The following GALC variants were observed in gnomAD, a reference collection of about 807,000 sequenced individuals.
GALC encodes galactocerebrosidase.
In GALC, 77 loss-of-function variants were observed where a neutral mutation model predicts 91.8. That is an observed-to-expected ratio of 0.84 (90% confidence interval 0.70 to 1.01). The LOEUF is 1.01. Ranked by LOEUF, GALC falls within the 50% of genes least tolerant of loss-of-function variation. The pLI is 0.00. For synonymous variants in GALC, 357 were observed against 306.7 expected (o/e 1.16, Z -1.71); for missense variants, 882 against 855.9 (o/e 1.03, Z -0.38).
chr14:87,939,104 T>C (rs988279527), intron 16 of GALC, among the ~76,000 whole-genome samples: 2 of 151,954 alleles, frequency 1.3e-5, no homozygotes, highest in African/African-American at 4.8e-5. Flanking sequence ...TCAATAATAG[T>C]GAATATTATT....
chr14:87,993,199 C>G, upstream of GALC: 1 of 1,556,708 alleles, frequency 6.4e-7, no homozygotes, highest in Non-Finnish European at 8.7e-7. Flanking sequence ...CCCAGGGAGG[C>G]GGGTCCCGTC....
At chr14:87,974,982 T>G (rs1454853646) in intron 7 of GALC, among the ~76,000 whole-genome samples, 1 of 152,096 alleles carries the variant, frequency 6.6e-6, no homozygotes, top group African/African-American at 2.4e-5. Context: ...TATTTAAGAT[T>G]AACACAACTT....
rs1020643877 is a variant in GALC, at chr14:87,939,761, T to C, written c.1911+144A>G. On this transcript the variant is annotated intron_variant, in intron 16 of 16. Coordinates refer to ENST00000261304, the MANE Select transcript of GALC (RefSeq NM_000153.4). ...CTCACACATGTAACTATCCTAGGGA[T>C]GAGTGGCTTCCCGGCACCAAGGCAG... The C allele has an allele frequency of 7.1e-6, 5 of 708,454 alleles. No homozygotes were observed. In the Admixed American group the frequency reaches 9.7e-5, roughly 14 times the overall value. 43.9% of individuals were successfully genotyped at this position (708,454 alleles called of 1,614,324 possible).
At chr14:87,973,940 A>G (rs78066255) in intron 7 of GALC, among the ~76,000 whole-genome samples, 17,176 of 152,230 alleles carry the variant, frequency 0.11, 1,129 homozygotes, top group Non-Finnish European at 0.16. Context: ...ATCAGTATAA[A>G]TGTAATTGAC....
chr14:87,952,466 T>C (rs1009019749), intron 10 of GALC: 27 of 525,126 alleles, frequency 5.1e-5, no homozygotes, highest in Non-Finnish European at 7.7e-5. Flanking sequence ...GGCTTCACTA[T>C]AGGCATAAGC....
chr14:87,986,425 C>T (rs1032938223), intron 4 of GALC, 64 bp downstream of exon 4: 7 of 1,004,292 alleles, frequency 7.0e-6, no homozygotes, highest in Middle Eastern at 2.6e-4. Flanking sequence ...TCCACCAACA[C>T]GATTCAGAAT....
rs1305865085 is a variant in GALC at position 87,945,477 on chromosome 14, C to G, written c.1670+76G>C. On this transcript the variant is annotated intron_variant, in intron 14 of 16. Transcript: ENST00000261304. ...CTTGAAATAGGAGGACCATTGAAAA[C>G]TCTTCACTTCAAAATGTACCTGACA... 7.3e-6 allele frequency: 8 copies of G among 1,092,712 alleles called. No homozygotes were observed. The Admixed American group carries it at 1.4e-4, about 18-fold the overall frequency. The allele number at this position is 1,092,712 out of a possible 1,614,324, so 67.7% of individuals were successfully genotyped here.
In GALC at chr14:87,976,442, A is replaced by G; in HGVS notation, c.668T>C (p.Ile223Thr). The change falls in exon 7 of 17, where the codon ATC becomes ACC. Residue 223 changes from isoleucine (I) to threonine (T), a missense_variant. Transcript: ENST00000261304. The part of the protein sequence containing the change: ...LNYQGLQRVK[I>T]IASDNLWESI... ...CTCCCAGAGATTATCACTTGCTATGATTTTCACTCGCTGGAGACCTTGATA... is the reference window on the plus strand; with the variant it reads ...CTCCCAGAGATTATCACTTGCTATGGTTTTCACTCGCTGGAGACCTTGATA... 6.2e-7 allele frequency: 1 copy of G among 1,613,584 alleles called. No homozygotes were observed. Among genetic ancestry groups the G allele is most frequent in the Non-Finnish European group, 8.5e-7 (1 of 1,179,492 alleles).
intron 6 of GALC, 134 bp from the exon 7 acceptor site, chr14:87,976,622 T>C (rs1189875211): frequency 1.6e-5 from 13 of 799,818 alleles, no homozygotes; most frequent in Middle Eastern, 3.4e-4. Flanking sequence ...TGTTTGTTTG[T>C]TTGTTTTTCT....
At chr14:87,941,728 A>G (rs1444393505) in intron 14 of GALC, among the ~76,000 whole-genome samples, 170 bp from the exon 15 acceptor site, 2 of 152,012 alleles carry the variant, frequency 1.3e-5, no homozygotes, top group Non-Finnish European at 1.5e-5. Flanking sequence ...TATTGACAAC[A>G]GTTTTAAATG....
chr14:87,966,751 T>C (rs1381435665), intron 8 of GALC, among the ~76,000 whole-genome samples: 2 of 152,208 alleles, frequency 1.3e-5, no homozygotes, highest in Non-Finnish European at 2.9e-5. Flanking sequence ...TATGTATTTC[T>C]GACCATTCCA....
intron 7 of GALC, among the ~76,000 whole-genome samples, chr14:87,971,879 T>C (rs1482204199): frequency 6.6e-6 from 1 of 151,968 alleles, no homozygotes; most frequent in African/African-American, 2.4e-5. Flanking sequence ...ATAAGCTGTT[T>C]GAAGTAGAAT....
chr14:87,992,179 A>T, intron 1 of GALC: 1 of 983,312 alleles, frequency 1.0e-6, no homozygotes, highest in East Asian at 2.6e-5. Context: ...TTCTGAGTTG[A>T]ATGTAAGGAT....
intron 16 of GALC, among the ~76,000 whole-genome samples, chr14:87,938,085 A>C (rs940445223): frequency 1.3e-5 from 2 of 152,024 alleles, no homozygotes; most frequent in African/African-American, 4.8e-5. Context: ...ACAATGAGGA[A>C]GTTGCCCCAC....
rs1309408160 is a variant in GALC, at chr14:87,980,551, AAGTGGAG to A, written c.621+1647_621+1653del. ...CACATGATATGCCCCTGCCTTAGCA[AAGTGGAG>A]AGTTCCTATCCATCCGTTCTTGAAG... On this transcript the variant is annotated intron_variant, in intron 6 of 16. Coordinates refer to ENST00000261304, the MANE Select transcript of GALC (RefSeq NM_000153.4). 4.4e-6 allele frequency: 4 copies of A among 911,824 alleles called. No individual in the cohort carries two copies. In the African/African-American group the frequency reaches 7.2e-5, roughly 16 times the overall value. The allele number at this position is 911,824 out of a possible 1,614,324, so 56.5% of individuals were successfully genotyped here.
chr14:87,975,309 TTAGAA>T (rs1380125715), intron 7 of GALC, among the ~76,000 whole-genome samples: 1 of 152,094 alleles, frequency 6.6e-6, no homozygotes, highest in Non-Finnish European at 1.5e-5. Context: ...AACATAAAGA[TTAGAA>T]TAGATTTAAA....
rs779726162 is a variant in GALC at position 87,934,685 on chromosome 14, AAAG to A, written c.*44_*46del. 3 of 1,611,894 alleles carry A rather than the reference AAAG, an allele frequency of 1.9e-6. No individual in the cohort carries two copies. The highest frequency in any genetic ancestry group is 2.5e-6 in the Non-Finnish European group (3 of 1,178,908). ...AGAATTGGCTCTGAACCAAAACCAA[AAAG>A]AAGGGAAGAAAATCCAGAGTATTCT... On this transcript the variant is annotated 3_prime_UTR_variant, in exon 17 of 17. Transcript: ENST00000261304.
At chr14:87,952,509 A>G in intron 10 of GALC, 2 of 671,528 alleles carry the variant, frequency 3.0e-6, no homozygotes, top group Non-Finnish European at 5.4e-6. Context: ...TCCTGTTGAG[A>G]ACCACCCAGC....
At chr14:87,970,277 C>T (rs950759643) in intron 7 of GALC, among the ~76,000 whole-genome samples, 3 of 151,940 alleles carry the variant, frequency 2.0e-5, no homozygotes, top group African/African-American at 7.2e-5. Context: ...TTAAAGAAAA[C>T]ACTGTAAAGT....
Sources: allele counts gnomAD v4.1 joint callset (sites outside exome capture counted in the v4.1 genomes callset), GRCh38; gene constraint gnomAD v4.1.1; transcripts MANE v1.5; gene names NCBI Gene and HGNC (gene_info 2026-07-23, HGNC 2026-07-21).